The following KCNB2 variants were observed in gnomAD, a reference collection of about 807,000 sequenced individuals.
The protein encoded by KCNB2 is potassium voltage-gated channel subfamily B member 2, also known as delayed rectifier potassium channel protein.
In KCNB2, 15 loss-of-function variants were observed where a neutral mutation model predicts 61.5. The observed-to-expected ratio is 0.24, with a 90% CI of 0.16 to 0.38. The LOEUF (loss-of-function observed/expected upper bound fraction) is 0.38. Ranked by LOEUF, KCNB2 falls within the 10% of genes least tolerant of loss-of-function variation. The pLI is 1.00. For synonymous variants in KCNB2, 457 were observed against 446.0 expected, an observed-to-expected ratio of 1.02 and a Z score of -0.31; for missense variants, 828 against 1,125.2, an observed-to-expected ratio of 0.74 and a Z score of 3.78.
chr8:72,689,923 C>T (rs749374531), intron 2 of KCNB2, among the ~76,000 whole-genome samples: 4 of 151,856 alleles, frequency 2.6e-5, no homozygotes, highest in Non-Finnish European at 4.4e-5. Context: ...ATTTTACATT[C>T]GGTGACTAGA....
intron 2 of KCNB2, among the ~76,000 whole-genome samples, chr8:72,733,507 CT>C (rs572027072): frequency 6.6e-6 from 1 of 152,104 alleles, no homozygotes; most frequent in Non-Finnish European, 1.5e-5. Context: ...AATATATGCC[CT>C]TGAATATGTG....
intron 2 of KCNB2, among the ~76,000 whole-genome samples, chr8:72,762,820 G>T: frequency 6.6e-6 from 1 of 150,750 alleles, no homozygotes; most frequent in Non-Finnish European, 1.5e-5. Context: ...CTGAAAAGCT[G>T]ACTTTGTTTC....
At chr8:72,662,782 TG>T (rs1235005942) in intron 2 of KCNB2, among the ~76,000 whole-genome samples, 6 of 152,208 alleles carry the variant, frequency 3.9e-5, no homozygotes, top group Admixed American at 3.9e-4. Flanking sequence ...ATGGAAGGTT[TG>T]GCTTATTTCA....
intron 2 of KCNB2, among the ~76,000 whole-genome samples, chr8:72,708,354 T>G (rs917093699): frequency 1.3e-5 from 2 of 152,252 alleles, no homozygotes; most frequent in African/African-American, 4.8e-5. Flanking sequence ...GTGCAATTGT[T>G]GGACAAACAG....
At chr8:72,707,913 A>T (rs1807256312) in intron 2 of KCNB2, among the ~76,000 whole-genome samples, 3 of 152,130 alleles carry the variant, frequency 2.0e-5, no homozygotes, top group Admixed American at 2.0e-4. Context: ...AAAGGTGGAG[A>T]GGGAGAGGGG....
intron 2 of KCNB2, among the ~76,000 whole-genome samples, chr8:72,738,261 C>A (rs780835188): frequency 2.6e-5 from 4 of 152,126 alleles, no homozygotes; most frequent in Non-Finnish European, 5.9e-5. Context: ...GAGGAAATGG[C>A]TACCTACAAT....
chr8:72,868,305 C>T lies in KCNB2; in HGVS notation c.580-67630C>T, dbSNP rs569875147. Among the ~76,000 whole-genome samples, 18 of 151,732 alleles carry T rather than the reference C, an allele frequency of 1.2e-4. No individual in the cohort carries two copies. The South Asian group carries it at 2.5e-3, about 21-fold the overall frequency. ...AATAAGGACCCCGTTACTGGCCGGG[C>T]GCAGTGGCTCACACCTGTAATCCCA... On this transcript the variant is annotated intron_variant, in intron 2 of 2. Transcript: ENST00000523207.
intron 2 of KCNB2, among the ~76,000 whole-genome samples, chr8:72,572,187 G>C (rs1806719871): frequency 6.6e-6 from 1 of 152,132 alleles, no homozygotes; most frequent in Non-Finnish European, 1.5e-5. Flanking sequence ...AATCAGCTGG[G>C]TTTCTGGCAA....
At position 72,567,768 on chromosome 8, in the gene KCNB2, A is replaced by T; in HGVS notation, c.34A>T (p.Lys12Ter). Residue 12 changes from lysine (K) to a stop codon, truncating the protein, a stop_gained, in exon 2 of 3, where the codon AAG becomes TAG. Transcript: ENST00000523207. LOFTEE classifies it high-confidence loss of function. ...AEKAPPGLNR[K>*]TSRSTLSLPP... ...AAAGGCTCCCCCGGGCTTAAACAGGAAGACTTCAAGGTCGACACTTTCCCT... is the reference window on the plus strand; with the variant it reads ...AAAGGCTCCCCCGGGCTTAAACAGGTAGACTTCAAGGTCGACACTTTCCCT... 1 of 1,594,096 alleles carries T rather than the reference A, an allele frequency of 6.3e-7. No individual in the cohort carries two copies. The highest frequency in any genetic ancestry group is 8.5e-7 in the Non-Finnish European group (1 of 1,171,450).
At chr8:72,769,735 C>A (rs1476479107) in intron 2 of KCNB2, among the ~76,000 whole-genome samples, 2 of 152,132 alleles carry the variant, frequency 1.3e-5, no homozygotes, top group Non-Finnish European at 2.9e-5. Flanking sequence ...CAAGAGGAAG[C>A]CACTGAAGGA....
intron 2 of KCNB2, among the ~76,000 whole-genome samples, chr8:72,702,421 C>T (rs1248484336): frequency 6.6e-6 from 1 of 152,072 alleles, no homozygotes; most frequent in East Asian, 1.9e-4. Flanking sequence ...GTACCAGTAT[C>T]CTAAAATTAT....
chr8:72,693,497 C>T (rs11779242), intron 2 of KCNB2, among the ~76,000 whole-genome samples: 63,352 of 151,902 alleles, frequency 0.42, 15,122 homozygotes, highest in Non-Finnish European at 0.56. Flanking sequence ...TCAACCTGCA[C>T]GTCCACCTCA....
rs1809951451 is a variant in KCNB2 at position 72,844,490 on chromosome 8, G to A, written c.580-91445G>A. On this transcript the variant is annotated intron_variant, in intron 2 of 2. Coordinates refer to ENST00000523207, the MANE Select transcript of KCNB2 (RefSeq NM_004770.3). ...CTGAATTTGAATGTTGCCCTATCTTGCTAGGTTGGGGAAGTTCTCCTGAAT... is the reference window on the plus strand; with the variant it reads ...CTGAATTTGAATGTTGCCCTATCTTACTAGGTTGGGGAAGTTCTCCTGAAT... Among the ~76,000 whole-genome samples, 2 of 152,166 alleles carry A rather than the reference G, an allele frequency of 1.3e-5. 1 individual carries two copies. The highest frequency in any genetic ancestry group is 4.1e-4 in the South Asian group (2 of 4,832).
rs1806133902 is a variant in KCNB2, at chr8:72,537,668, C to G, written c.-311C>G. On this transcript the variant is annotated 5_prime_UTR_variant, in exon 1 of 3. Coordinates refer to ENST00000523207, the MANE Select transcript of KCNB2 (RefSeq NM_004770.3). ...AGCCTTCCTACTAGAGACCGTGAAC[C>G]AGAGTCAGGGATGTAAAGACAGGGG... The G allele has an allele frequency of 1.3e-5, 2 of 152,470 alleles. No individual in the cohort carries two copies. Among genetic ancestry groups the G allele is most frequent in the African/African-American group, 2.4e-5 (1 of 41,568 alleles). The allele number at this position is 152,470 out of a possible 1,614,324, so 9.4% of individuals were successfully genotyped here.
At position 72,598,978 on chromosome 8, in the gene KCNB2, T is replaced by C. The variant is rs371114596; in HGVS notation, c.579+30665T>C. Among the ~76,000 whole-genome samples, 1,069 of 152,246 alleles carry C rather than the reference T, an allele frequency of 7.0e-3. 7 individuals carry two copies. Among genetic ancestry groups the C allele is most frequent in the Non-Finnish European group, 0.01 (689 of 68,016 alleles). On this transcript the variant is annotated intron_variant, in intron 2 of 2. Transcript: ENST00000523207. Reference sequence around the variant, plus strand: ...CAAACAAATGGAAGAACATTCCATGTTCATGGGTAGGAAGAATCAATATCG... The same window carrying C: ...CAAACAAATGGAAGAACATTCCATGCTCATGGGTAGGAAGAATCAATATCG...
intron 2 of KCNB2, among the ~76,000 whole-genome samples, chr8:72,693,748 G>A (rs892113187): frequency 7.9e-5 from 12 of 152,194 alleles, no homozygotes; most frequent in Non-Finnish European, 1.6e-4. Flanking sequence ...GGAAATAAAA[G>A]GAGAAGCAGA....
intron 2 of KCNB2, among the ~76,000 whole-genome samples, chr8:72,702,888 C>G (rs932708863): frequency 4.6e-5 from 7 of 152,144 alleles, no homozygotes; most frequent in Non-Finnish European, 1.0e-4. Context: ...CAGGGATCCA[C>G]TCCCCGTGGC....
At chr8:72,746,169 C>T (rs1047602281) in intron 2 of KCNB2, among the ~76,000 whole-genome samples, 3 of 152,098 alleles carry the variant, frequency 2.0e-5, no homozygotes, top group Non-Finnish European at 4.4e-5. Context: ...GTTATTCATC[C>T]TAGGCATTAA....
At chr8:72,694,212 GC>G (rs1433616444) in intron 2 of KCNB2, among the ~76,000 whole-genome samples, 1 of 152,170 alleles carries the variant, frequency 6.6e-6, no homozygotes, top group Non-Finnish European at 1.5e-5. Flanking sequence ...TTGCAGACAT[GC>G]AAAGCCCTTT....
Sources: allele counts gnomAD v4.1 joint callset (sites outside exome capture counted in the v4.1 genomes callset), GRCh38; gene constraint gnomAD v4.1.1; transcripts MANE v1.5; gene names NCBI Gene and HGNC (gene_info 2026-07-23, HGNC 2026-07-21).